CEP350: variants seen among roughly 807,000 people sequenced by gnomAD.
CEP350 encodes the protein centrosomal protein 350.
In CEP350, 126 loss-of-function variants were observed where a neutral mutation model predicts 331.8. The observed-to-expected ratio is 0.38, with a 90% CI of 0.33 to 0.44. The LOEUF (loss-of-function observed/expected upper bound fraction) is 0.44. Ranked by LOEUF, CEP350 falls within the 20% of genes least tolerant of loss-of-function variation. CEP350 has a pLI of 1.00. For missense variants in CEP350, 3,406 were observed against 3,634.6 expected, an observed-to-expected ratio of 0.94 and a Z score of 1.62; for synonymous variants, 1,200 against 1,259.5, an observed-to-expected ratio of 0.95 and a Z score of 1.00.
Position 179,954,993 on chromosome 1 carries a change from G to A in CEP350, c.-163G>A. The A allele has an allele frequency of 7.9e-7, 1 of 1,260,908 alleles. No individual in the cohort carries two copies. The highest frequency in any genetic ancestry group is 1.0e-6 in the Non-Finnish European group (1 of 986,968). 78.1% of individuals were successfully genotyped at this position (1,260,908 alleles called of 1,614,324 possible). A position where few individuals can be genotyped will look rare whatever the true frequency, so the allele number is the denominator to read the frequency against. ...TTCCCAGCGGACCGGCGGATCCCCG[G>A]AGCCGGTGCGAGGAGGGCACCCGGT... On this transcript the variant is annotated 5_prime_UTR_variant, in exon 1 of 38. Coordinates refer to ENST00000367607, the MANE Select transcript of CEP350 (RefSeq NM_014810.5).
intron 1 of CEP350, among the ~76,000 whole-genome samples, chr1:179,967,988 G>A (rs1437301756): frequency 3.9e-5 from 6 of 152,238 alleles, no homozygotes; most frequent in East Asian, 1.9e-4. Flanking sequence ...TTGGCAAACA[G>A]GTCTGGAGCA....
chr1:180,081,621 G>A (rs1659570710), intron 30 of CEP350, among the ~76,000 whole-genome samples: 1 of 152,202 alleles, frequency 6.6e-6, no homozygotes, highest in Non-Finnish European at 1.5e-5. Context: ...CCTAGATTGT[G>A]TAGCCTTACT....
Position 180,043,122 on chromosome 1 carries a change from C to A in CEP350, c.4429C>A (p.Leu1477Met). The A allele has an allele frequency of 2.5e-6, 4 of 1,613,866 alleles. No homozygotes were observed. In the South Asian group the frequency reaches 4.4e-5, roughly 18 times the overall value. Reference sequence around the variant, plus strand: ...GGCTTCAGGAGCTCCCCTTGCAATACTGTATGACCACCAACGGCAGCACCT... The same window carrying A: ...GGCTTCAGGAGCTCCCCTTGCAATAATGTATGACCACCAACGGCAGCACCT... The part of the protein sequence containing the change: ...VVASGAPLAI[L>M]YDHQRQHLPD... The change falls in exon 20 of 38, where the codon CTG becomes ATG. Residue 1477 changes from leucine to methionine, a missense_variant. Physicochemically the swap from Leu to Met is conservative, Grantham distance 15. This residue lies in a region of CEP350 where 1,857 missense variants were observed against 1,909.2 expected (regional missense o/e 0.97). Coordinates refer to ENST00000367607, the MANE Select transcript of CEP350 (RefSeq NM_014810.5).
intron 3 of CEP350, among the ~76,000 whole-genome samples, chr1:179,989,647 A>G (rs1652906855): frequency 6.6e-6 from 1 of 152,106 alleles, no homozygotes; most frequent in Admixed American, 6.5e-5. Context: ...AATGCTTTTC[A>G]GTCATTGAGA....
chr1:180,024,315 G>A (rs957334160), intron 13 of CEP350, 104 bp from the exon 14 acceptor site: 4 of 983,888 alleles, frequency 4.1e-6, no homozygotes, highest in East Asian at 2.6e-5. Context: ...ATCTTTGATT[G>A]TAGTTATAGT....
intron 37 of CEP350, among the ~76,000 whole-genome samples, chr1:180,102,246 CTG>C (rs1208637900): frequency 6.6e-6 from 1 of 152,046 alleles, no homozygotes; most frequent in East Asian, 1.9e-4. Flanking sequence ...AGCAATTCTC[CTG>C]TCTCAGTCTC....
chr1:180,102,540 T>C (rs1660887331), intron 37 of CEP350, among the ~76,000 whole-genome samples: 1 of 152,262 alleles, frequency 6.6e-6, no homozygotes, highest in African/African-American at 2.4e-5. Context: ...ATGATTTTGT[T>C]ACACTTTTCA....
chr1:180,084,925 G>A lies in CEP350; in HGVS notation c.6285+747G>A, dbSNP rs191685809. On this transcript the variant is annotated intron_variant, in intron 31 of 37. Coordinates refer to ENST00000367607, the MANE Select transcript of CEP350 (RefSeq NM_014810.5). The stretch of plus-strand genomic sequence containing the variant: ...TATTAGATTTTTTTTTTCTAAATAA[G>A]AAAGATTAGGCCTTTGAAAGAAAGA... Among the ~76,000 whole-genome samples the A allele has an allele frequency of 2.6e-3, 389 of 151,748 alleles. 2 individuals are homozygous for A. The highest frequency in any genetic ancestry group is 3.7e-3 in the Non-Finnish European group (253 of 67,876).
intron 1 of CEP350, among the ~76,000 whole-genome samples, chr1:179,985,434 C>A (rs769182875): frequency 3.9e-5 from 6 of 152,176 alleles, no homozygotes; most frequent in Non-Finnish European, 7.3e-5. Flanking sequence ...ACGTTAGCTA[C>A]TATGAATAAT....
intron 1 of CEP350, among the ~76,000 whole-genome samples, chr1:179,979,225 G>A (rs1324020882): frequency 6.6e-6 from 1 of 151,896 alleles, no homozygotes; most frequent in African/African-American, 2.4e-5. Flanking sequence ...ATCCTCGCTA[G>A]CATTTGTTGT....
At chr1:180,080,014 C>T (rs1659463514) in intron 29 of CEP350, among the ~76,000 whole-genome samples, 1 of 152,150 alleles carries the variant, frequency 6.6e-6, no homozygotes, top group Non-Finnish European at 1.5e-5. Context: ...TGCCCAAAGT[C>T]ACAGGGATAG....
intron 32 of CEP350, among the ~76,000 whole-genome samples, chr1:180,090,353 T>C (rs1051443337): frequency 1.3e-5 from 2 of 151,214 alleles, no homozygotes; most frequent in African/African-American, 2.4e-5. Flanking sequence ...GAGACCATCC[T>C]GGCTAACACA....
intron 22 of CEP350, among the ~76,000 whole-genome samples, chr1:180,052,558 G>T (rs1421857922): frequency 1.3e-5 from 2 of 152,042 alleles, no homozygotes; most frequent in Non-Finnish European, 2.9e-5. Context: ...ATTAAGCTTG[G>T]AATTAATGAG....
rs557939396 is a variant in CEP350, at chr1:180,113,292, G to A, written c.*2131G>A. ...TCAAAATGTTATAATGGGACTGTAG[G>A]TTGTTTTTCTACATCTTCATTATTT... On this transcript the variant is annotated 3_prime_UTR_variant, in exon 38 of 38. Transcript: ENST00000367607. 5 of 151,950 alleles carry A rather than the reference G, an allele frequency of 3.3e-5. No individual in the cohort carries two copies. The highest frequency in any genetic ancestry group is 1.2e-4 in the African/African-American group (5 of 41,422). The allele number at this position is 151,950 out of a possible 1,614,324, so 9.4% of individuals were successfully genotyped here.
At chr1:180,018,935 G>A (rs560787557) in intron 11 of CEP350, among the ~76,000 whole-genome samples, 5 of 148,336 alleles carry the variant, frequency 3.4e-5, no homozygotes, top group African/African-American at 7.4e-5. Context: ...GGCCCAATGC[G>A]TCCTCCACCT....
chr1:180,078,760 A>G, intron 29 of CEP350, 86 bp downstream of exon 29: 1 of 1,104,092 alleles, frequency 9.1e-7, no homozygotes, highest in Non-Finnish European at 1.3e-6. Flanking sequence ...GTAATTAATG[A>G]CAGTGTTAAC....
At chr1:180,091,580 C>T (rs545098773) in intron 33 of CEP350, among the ~76,000 whole-genome samples, 25 of 152,168 alleles carry the variant, frequency 1.6e-4, no homozygotes, top group African/African-American at 6.0e-4. Flanking sequence ...CCTATAATCC[C>T]CACACTTTGA....
chr1:180,062,117 A>G (rs996056567), intron 25 of CEP350, 103 bp from the exon 26 acceptor site: 7 of 1,022,006 alleles, frequency 6.8e-6, no homozygotes, highest in East Asian at 3.2e-5. Context: ...ATAAAATACT[A>G]TATGTATTTA....
At chr1:180,048,460 C>CTTAT in intron 21 of CEP350, 76 bp from the exon 22 acceptor site, 2 of 946,464 alleles carry the variant, frequency 2.1e-6, no homozygotes, top group Admixed American at 2.4e-5. Flanking sequence ...GTCATTTGGC[C>CTTAT]AAATAAGTTT....
Sources: allele counts gnomAD v4.1 joint callset (sites outside exome capture counted in the v4.1 genomes callset), GRCh38; gene constraint gnomAD v4.1.1; regional missense constraint gnomAD v4.1.1; transcripts MANE v1.5; gene names NCBI Gene and HGNC (gene_info 2026-07-23, HGNC 2026-07-21).